The following RAN variants were observed in gnomAD, a reference collection of about 807,000 sequenced individuals.
RAN encodes the protein GTP-binding nuclear protein Ran.
A neutral mutation model predicts 26.8 loss-of-function variants in RAN; 2 were observed. That is an observed-to-expected ratio of 0.07 (90% CI 0.03 to 0.23). RAN has a LOEUF of 0.23. Among genes scored for constraint, RAN ranks in the 10% least tolerant of loss-of-function variants. The pLI is 1.00. For synonymous variants in RAN, 132 were observed against 95.9 expected (o/e 1.38, Z -2.20); for missense variants, 56 against 264.8 (o/e 0.21, Z 5.47).
intron 4 of RAN, chr12:130,873,737 C>T (rs1953185328): frequency 1.3e-5 from 2 of 157,912 alleles, no homozygotes; most frequent in African/African-American, 4.8e-5. Flanking sequence ...TTTTGCTTTC[C>T]TTGAGCATGT....
intron 4 of RAN, chr12:130,874,342 T>C (rs1183908083): frequency 6.0e-6 from 3 of 497,764 alleles, no homozygotes; most frequent in Admixed American, 3.7e-5. Flanking sequence ...ATCAGGGAGA[T>C]TTGATAGGGT....
Position 130,872,937 on chromosome 12 carries a change from C to G in RAN, c.121+17C>G, listed in dbSNP as rs772430865. ...AGTATGTAGGTATGTGCTGGAAAAC[C>G]TTGCTTGTGGAAATATGTGAGAAAT... On this transcript the variant is annotated intron_variant, in intron 3 of 6. Coordinates refer to ENST00000543796, the MANE Select transcript of RAN (RefSeq NM_006325.5). 4 of 1,614,172 alleles carry G rather than the reference C, an allele frequency of 2.5e-6. No homozygotes were observed. The highest frequency in any genetic ancestry group is 3.4e-6 in the Non-Finnish European group (4 of 1,180,020).
At chr12:130,873,271 C>A (rs1388097403) in intron 4 of RAN, 143 bp downstream of exon 4, 1 of 1,124,196 alleles carries the variant, frequency 8.9e-7, no homozygotes, top group Non-Finnish European at 1.3e-6. Flanking sequence ...GAGTTGACCA[C>A]CATTTTGGTG....
rs1381014443 is a variant in RAN, at chr12:130,876,226, T to A, written c.*300T>A. 1 of 385,048 alleles carries A rather than the reference T, an allele frequency of 2.6e-6. No individual in the cohort carries two copies. The highest frequency in any genetic ancestry group is 4.7e-6 in the Non-Finnish European group (1 of 213,068). 23.9% of individuals were successfully genotyped at this position (385,048 alleles called of 1,614,324 possible). ...AGTGGTGAAATCTTGTTTGTTACTG[T>A]CATTCCCATTCCTTTTCGTTTAGAA... is the stretch of plus-strand genomic sequence containing the variant. On this transcript the variant is annotated 3_prime_UTR_variant, in exon 7 of 7. Transcript: ENST00000543796.
chr12:130,873,143 C>T lies in RAN; in HGVS notation c.247+15C>T. Reference sequence around the variant, plus strand: ...TTATATCCAAGGTAGGCATTTGTAACTTGCTGAACGGTTTTTGAGAGGTTT... The same window carrying T: ...TTATATCCAAGGTAGGCATTTGTAATTTGCTGAACGGTTTTTGAGAGGTTT... On this transcript the variant is annotated intron_variant, in intron 4 of 6. Transcript: ENST00000543796. 1.2e-6 allele frequency: 2 copies of T among 1,614,090 alleles called. No homozygotes were observed. The highest frequency in any genetic ancestry group is 8.5e-7 in the Non-Finnish European group (1 of 1,179,968).
At chr12:130,875,080 C>T (rs567771140) in intron 5 of RAN, among the ~76,000 whole-genome samples, 6 of 152,286 alleles carry the variant, frequency 3.9e-5, no homozygotes, top group South Asian at 2.1e-4. Flanking sequence ...CTTGCCTTGG[C>T]CTCCTAAAGG....
intron 4 of RAN, chr12:130,874,170 G>T: frequency 4.8e-6 from 1 of 210,414 alleles, no homozygotes; most frequent in South Asian, 6.1e-5. Context: ...TTTAAGACAG[G>T]AATAATGTTT....
chr12:130,875,005 A>G (rs1295636171), intron 5 of RAN, among the ~76,000 whole-genome samples: 3 of 151,924 alleles, frequency 2.0e-5, no homozygotes, highest in Non-Finnish European at 2.9e-5. Flanking sequence ...TTTTTTTTCT[A>G]GTAGAGACGG....
chr12:130,873,620 A>G (rs939673112), intron 4 of RAN: 3 of 162,074 alleles, frequency 1.9e-5, no homozygotes, highest in African/African-American at 4.8e-5. Flanking sequence ...TGATTTAAAA[A>G]TTGCAAGGAA....
intron 1 of RAN, 156 bp downstream of exon 1, chr12:130,872,282 G>A (rs1953148436): frequency 1.3e-5 from 2 of 153,308 alleles, no homozygotes; most frequent in Non-Finnish European, 2.9e-5. Context: ...CCGGGCCGGG[G>A]CAGGAGACGG....
At chr12:130,874,485 C>A in intron 4 of RAN, 61 bp from the exon 5 acceptor site, 1 of 1,345,994 alleles carries the variant, frequency 7.4e-7, no homozygotes, top group Non-Finnish European at 1.0e-6. Context: ...GTCTCTGGTT[C>A]TTAGCATTCT....
chr12:130,874,836 T>G, intron 5 of RAN, 103 bp downstream of exon 5: 1 of 1,055,596 alleles, frequency 9.5e-7, no homozygotes, highest in South Asian at 1.8e-5. Flanking sequence ...GATTTTTTTT[T>G]CCCCAAGACG....
rs199644788 is a variant in RAN at position 130,873,007 on chromosome 12, C to G, written c.126C>G (p.Thr42=). ...ATCGCATCGTTTCCGTTTCAGCCAC[C>G]TTGGGTGTTGAGGTTCATCCCCTAG... The part of the protein sequence containing the change: ...TGEFEKKYVA[T]LGVEVHPLVF... Residue 42 remains threonine (T), a synonymous_variant, in exon 4 of 7, where the codon ACC becomes ACG. Coordinates refer to ENST00000543796, the MANE Select transcript of RAN (RefSeq NM_006325.5). 28 of 1,614,054 alleles carry G rather than the reference C, an allele frequency of 1.7e-5. No individual in the cohort carries two copies. The African/African-American group carries it at 2.0e-4, about 12-fold the overall frequency.
chr12:130,875,506 C>T (rs146772630), intron 5 of RAN, 106 bp from the exon 6 acceptor site: 3 of 1,090,586 alleles, frequency 2.8e-6, no homozygotes, highest in Admixed American at 5.6e-5. Context: ...CATGAGCCAC[C>T]ATGCCTTGCC....
At chr12:130,873,373 A>G in intron 4 of RAN, 1 of 443,920 alleles carries the variant, frequency 2.3e-6, no homozygotes, top group Admixed American at 3.8e-5. Context: ...TGGGACTTAT[A>G]AGTCATATTT....
At chr12:130,872,263 CG>C (rs1323945108) in intron 1 of RAN, 137 bp downstream of exon 1, 1 of 152,794 alleles carries the variant, frequency 6.5e-6, no homozygotes, top group Non-Finnish European at 1.5e-5. Flanking sequence ...GTGGGTGGTG[CG>C]GGCCCGGCCG....
intron 2 of RAN, 59 bp from the exon 3 acceptor site, chr12:130,872,777 T>A: frequency 6.3e-6 from 10 of 1,597,840 alleles, no homozygotes; most frequent in Non-Finnish European, 8.6e-6. Context: ...GTTCCGTGAC[T>A]CTGGGATCTT....
At chr12:130,872,792 G>C in intron 2 of RAN, 44 bp from the exon 3 acceptor site, 1 of 1,601,424 alleles carries the variant, frequency 6.2e-7, no homozygotes, top group Non-Finnish European at 8.6e-7. Context: ...GATCTTGAGA[G>C]GTGAAGTGTT....
In RAN at chr12:130,877,438, G is replaced by C. The variant is rs1427179534; in HGVS notation, c.*1512G>C. 6.6e-6 allele frequency: 1 copy of C among 152,212 alleles called. No homozygotes were observed. Among genetic ancestry groups the C allele is most frequent in the Non-Finnish European group, 1.5e-5 (1 of 68,038 alleles). The allele number at this position is 152,212 out of a possible 1,614,324, so 9.4% of individuals were successfully genotyped here. A position where few individuals can be genotyped will look rare whatever the true frequency, so the allele number is the denominator to read the frequency against. ...AGTTTCTAACCAGCCTGTGAGATGG[G>C]AAGTTTTTTCCCCATAATTGGGATG... On this transcript the variant is annotated 3_prime_UTR_variant, in exon 7 of 7. Transcript: ENST00000543796.
Sources: allele counts gnomAD v4.1 joint callset (sites outside exome capture counted in the v4.1 genomes callset), GRCh38; gene constraint gnomAD v4.1.1; transcripts MANE v1.5; gene names NCBI Gene and HGNC (gene_info 2026-07-23, HGNC 2026-07-21).